Variants in KIF26B observed in about 807,000 individuals in gnomAD.
KIF26B encodes the protein kinesin family member 26B, also known as kinesin-like protein KIF26B.
KIF26B carries 63 observed loss-of-function variants against 151.2 expected under a neutral mutation model. The observed-to-expected ratio is 0.42, with a 90% CI of 0.34 to 0.51. The LOEUF is 0.51. Ranked by LOEUF, KIF26B falls within the 20% of genes least tolerant of loss-of-function variation. The pLI is 0.07. For synonymous variants in KIF26B, 1,357 were observed against 1,262.1 expected (o/e 1.08, Z -1.59); for missense variants, 2,813 against 2,913.6 (o/e 0.97, Z 0.79).
intron 5 of KIF26B, among the ~76,000 whole-genome samples, chr1:245,552,233 G>A (rs1027943025): frequency 2.0e-5 from 3 of 151,530 alleles, no homozygotes; most frequent in South Asian, 2.1e-4. Flanking sequence ...GGAGGTTGGC[G>A]GGCAGGCTGG....
chr1:245,156,191 G>GC, intron 1 of KIF26B, 91 bp from the exon 2 acceptor site: 1 of 1,475,728 alleles, frequency 6.8e-7, no homozygotes, highest in Non-Finnish European at 8.9e-7. Context: ...GGCGGTTCGA[G>GC]CGGGTACTTG....
rs138771367 is a variant in KIF26B, at chr1:245,405,413, T to C, written c.1000-14166T>C. Among the ~76,000 whole-genome samples the C allele has an allele frequency of 1.2e-3, 183 of 152,344 alleles. 1 individual carries two copies. Among genetic ancestry groups the C allele is most frequent in the African/African-American group, 4.3e-3 (177 of 41,576 alleles). On this transcript the variant is annotated intron_variant, in intron 3 of 14. Transcript: ENST00000407071. ...AGCCATTTTTATTTGAGGAGAAAGA[T>C]GCCTGAGAGTGTTTTTAGTTAATAT...
intron 2 of KIF26B, among the ~76,000 whole-genome samples, chr1:245,242,680 C>A (rs1437043245): frequency 1.3e-5 from 2 of 152,124 alleles, no homozygotes; most frequent in Non-Finnish European, 2.9e-5. Context: ...GAGATGGAAT[C>A]TTGCTCTGTC....
intron 3 of KIF26B, among the ~76,000 whole-genome samples, chr1:245,412,396 G>A (rs910583527): frequency 2.6e-5 from 4 of 152,290 alleles, no homozygotes; most frequent in Admixed American, 6.5e-5. Flanking sequence ...ATTGCTCTCC[G>A]TAGATGTCTC....
At chr1:245,662,340 C>A (rs973199345) in intron 10 of KIF26B, among the ~76,000 whole-genome samples, 1 of 144,726 alleles carries the variant, frequency 6.9e-6, no homozygotes. Context: ...TATATACACA[C>A]ACACCCTATA....
chr1:245,536,288 C>A (rs1388424430), intron 4 of KIF26B, among the ~76,000 whole-genome samples: 1 of 152,110 alleles, frequency 6.6e-6, no homozygotes, highest in Non-Finnish European at 1.5e-5. Flanking sequence ...TTAAAGAGAG[C>A]TTTCTTGAAA....
intron 5 of KIF26B, among the ~76,000 whole-genome samples, chr1:245,600,142 C>G (rs150530727): frequency 4.5e-5 from 2 of 44,602 alleles, no homozygotes; most frequent in African/African-American, 2.5e-4. Flanking sequence ...GGGTTCACGC[C>G]ATTCTTCTGC....
At chr1:245,316,419 C>T (rs982302404) in intron 2 of KIF26B, among the ~76,000 whole-genome samples, 4 of 152,098 alleles carry the variant, frequency 2.6e-5, no homozygotes, top group African/African-American at 4.8e-5. Context: ...CCACCGCGTC[C>T]GGCCCCTGGG....
chr1:245,456,035 T>C (rs1043323947), intron 4 of KIF26B, among the ~76,000 whole-genome samples: 14 of 152,228 alleles, frequency 9.2e-5, no homozygotes, highest in African/African-American at 3.4e-4. Context: ...CACCCATGAT[T>C]CCAGGAGTCA....
At chr1:245,356,506 G>A (rs1053522224) in intron 2 of KIF26B, among the ~76,000 whole-genome samples, 4 of 152,028 alleles carry the variant, frequency 2.6e-5, no homozygotes, top group South Asian at 2.1e-4. Context: ...GCAGTGAGCC[G>A]AGATTGCACC....
At chr1:245,635,306 T>G (rs185299458) in intron 9 of KIF26B, among the ~76,000 whole-genome samples, 1 of 152,216 alleles carries the variant, frequency 6.6e-6, no homozygotes, top group Admixed American at 6.5e-5. Flanking sequence ...CAGATTCTAT[T>G]TCTTTAATGA....
chr1:245,182,927 C>T (rs1191643841), intron 2 of KIF26B, among the ~76,000 whole-genome samples: 10 of 152,186 alleles, frequency 6.6e-5, no homozygotes, highest in South Asian at 2.1e-4. Flanking sequence ...TGAGCCACCA[C>T]GCCCGGCCCC....
At chr1:245,350,991 G>A (rs1286111890) in intron 2 of KIF26B, among the ~76,000 whole-genome samples, 1 of 152,122 alleles carries the variant, frequency 6.6e-6, no homozygotes, top group Non-Finnish European at 1.5e-5. Context: ...AGCAGTGAGG[G>A]GAGGAGGGCA....
chr1:245,412,879 G>A (rs1674320325), intron 3 of KIF26B, among the ~76,000 whole-genome samples: 1 of 152,188 alleles, frequency 6.6e-6, no homozygotes, highest in Non-Finnish European at 1.5e-5. Context: ...AATGTCACAT[G>A]TACACGCACA....
At chr1:245,423,892 G>A (rs1166892343) in intron 4 of KIF26B, among the ~76,000 whole-genome samples, 2 of 152,068 alleles carry the variant, frequency 1.3e-5, no homozygotes, top group Non-Finnish European at 2.9e-5. Context: ...AGGCTGGAGT[G>A]TAGTGACGTA....
At chr1:245,316,371 G>T (rs1257955130) in intron 2 of KIF26B, among the ~76,000 whole-genome samples, 1 of 152,042 alleles carries the variant, frequency 6.6e-6, no homozygotes, top group Non-Finnish European at 1.5e-5. Context: ...TGATCCGCCT[G>T]CCTCGGTCTC....
chr1:245,398,883 A>G (rs576721626), intron 3 of KIF26B, among the ~76,000 whole-genome samples: 1 of 152,218 alleles, frequency 6.6e-6, no homozygotes, highest in African/African-American at 2.4e-5. Context: ...TCCGTTAGCA[A>G]TTAACTATTT....
chr1:245,426,309 G>A (rs879377463), intron 4 of KIF26B, among the ~76,000 whole-genome samples: 1 of 151,660 alleles, frequency 6.6e-6, no homozygotes, highest in Non-Finnish European at 1.5e-5. Flanking sequence ...TCTCTCCTGG[G>A]TCTGGAATTT....
At chr1:245,236,456 C>T (rs1273142845) in intron 2 of KIF26B, among the ~76,000 whole-genome samples, 1 of 152,064 alleles carries the variant, frequency 6.6e-6, no homozygotes, top group Non-Finnish European at 1.5e-5. Flanking sequence ...AGCATAGTTC[C>T]TGGGACGTAA....
Sources: gnomAD v4.1 joint callset for allele counts (sites outside exome capture counted in the v4.1 genomes callset) on GRCh38, gnomAD v4.1.1 for gene constraint, MANE v1.5 for transcripts, NCBI Gene and HGNC (gene_info 2026-07-23, HGNC 2026-07-21) for gene names.